The following AQP7B variants were observed in gnomAD, a reference collection of about 807,000 sequenced individuals.
The protein encoded by AQP7B is putative aquaporin-7B.
chr2:94,604,333 G>C, the AQP7B span: 1 of 1,610,544 alleles, frequency 6.2e-7, no homozygotes, highest in South Asian at 1.1e-5. Context: ...CACCACTTCT[G>C]GGTGCCTCTC....
chr2:94,595,426 ACT>A, the AQP7B span, among the ~76,000 whole-genome samples: 1 of 151,740 alleles, frequency 6.6e-6, no homozygotes, highest in African/African-American at 2.4e-5. Context: ...CAGGAGCGAA[ACT>A]CTGTCTCAAA....
At chr2:94,597,858 G>A in the AQP7B span, among the ~76,000 whole-genome samples, 1 of 152,064 alleles carries the variant, frequency 6.6e-6, no homozygotes, top group East Asian at 1.9e-4. Flanking sequence ...TCCCACCTCG[G>A]CCTCCCAAAG....
the AQP7B span, chr2:94,604,335 G>T: frequency 6.8e-6 from 11 of 1,610,800 alleles, no homozygotes; most frequent in East Asian, 1.8e-4. Flanking sequence ...CCACTTCTGG[G>T]TGCCTCTCTA....
the AQP7B span, chr2:94,602,435 C>G: frequency 1.6e-5 from 24 of 1,544,068 alleles, no homozygotes; most frequent in Admixed American, 3.6e-5. Context: ...GCTCTGAGCC[C>G]TCCTCTGAGG....
the AQP7B span, chr2:94,602,550 T>C: frequency 6.2e-7 from 1 of 1,604,100 alleles, no homozygotes; most frequent in South Asian, 1.1e-5. Flanking sequence ...GGGAGCTACC[T>C]TGGTGTCAAC....
the AQP7B span, chr2:94,603,025 T>G: frequency 6.3e-7 from 1 of 1,593,404 alleles, no homozygotes; most frequent in East Asian, 2.3e-5. Flanking sequence ...CACACTTGCC[T>G]GCTGCCCGCA....
At chr2:94,604,583 A>G in the AQP7B span, 1 of 1,562,104 alleles carries the variant, frequency 6.4e-7, no homozygotes. Flanking sequence ...AGCAGAGATT[A>G]TTTGTGATCC....
chr2:94,601,983 G>A, the AQP7B span, among the ~76,000 whole-genome samples: 8 of 151,682 alleles, frequency 5.3e-5, no homozygotes, highest in Admixed American at 2.6e-4. Flanking sequence ...GACAGTTAGG[G>A]CCCCACTGTT....
chr2:94,601,889 G>T, the AQP7B span, among the ~76,000 whole-genome samples: 1 of 152,092 alleles, frequency 6.6e-6, no homozygotes, highest in African/African-American at 2.4e-5. Context: ...CTGTGAAGGC[G>T]GCATTATCTG....
chr2:94,604,389 G>C, the AQP7B span: 1 of 1,611,394 alleles, frequency 6.2e-7, no homozygotes, highest in South Asian at 1.1e-5. Context: ...ACCATCCCAC[G>C]GGAGCCCCTG....
chr2:94,594,906 C>A, the AQP7B span: 1 of 1,289,220 alleles, frequency 7.8e-7, no homozygotes, highest in Non-Finnish European at 1.1e-6. Flanking sequence ...GTGGGTGGGG[C>A]TCCACCAGGG....
the AQP7B span, chr2:94,603,437 C>A: frequency 1.9e-6 from 3 of 1,610,702 alleles, no homozygotes; most frequent in Non-Finnish European, 2.5e-6. Flanking sequence ...CCCTTTGCTA[C>A]AGCTGGCATT....
At chr2:94,590,398 G>C in the AQP7B span, among the ~76,000 whole-genome samples, 3 of 151,940 alleles carry the variant, frequency 2.0e-5, no homozygotes. Flanking sequence ...ATGTTGGCCA[G>C]GCTGGTCTTG....
At chr2:94,592,146 A>G in the AQP7B span, among the ~76,000 whole-genome samples, 8 of 151,754 alleles carry the variant, frequency 5.3e-5, no homozygotes. Flanking sequence ...TGCTCTGTCC[A>G]CTTCTCTCTC....
At chr2:94,594,857 G>A in the AQP7B span, 4 of 1,547,302 alleles carry the variant, frequency 2.6e-6, no homozygotes, top group African/African-American at 1.4e-5. Context: ...GAGTTCATGA[G>A]CACATATGTC....
the AQP7B span, among the ~76,000 whole-genome samples, chr2:94,592,410 C>G: frequency 6.6e-6 from 1 of 152,166 alleles, no homozygotes; most frequent in Non-Finnish European, 1.5e-5. Flanking sequence ...CCCAGAGAAA[C>G]AAAACCAGGG....
At chr2:94,594,996 G>A in the AQP7B span, 71 of 586,158 alleles carry the variant, frequency 1.2e-4, 1 homozygote, top group South Asian at 6.3e-4. Context: ...GCCTGGGGAA[G>A]CAGTGAGGAA....
chr2:94,598,860 G>A, the AQP7B span, among the ~76,000 whole-genome samples: 1 of 152,156 alleles, frequency 6.6e-6, no homozygotes, highest in Non-Finnish European at 1.5e-5. Context: ...AGGCTGGAGT[G>A]CAGTGGTGTG....
chr2:94,603,319 A>T, the AQP7B span: 1 of 1,519,292 alleles, frequency 6.6e-7, no homozygotes, highest in Non-Finnish European at 9.0e-7. Context: ...CTATAACCTC[A>T]TTTCTGGGAC....
Sources: gnomAD v4.1 joint callset for allele counts (sites outside exome capture counted in the v4.1 genomes callset) on GRCh38, gnomAD v4.1.1 for gene constraint, MANE v1.5 for transcripts, NCBI Gene and HGNC (gene_info 2026-07-23, HGNC 2026-07-21) for gene names.